DLC1: variants seen among roughly 807,000 people sequenced by gnomAD.
DLC1 encodes DLC1 Rho GTPase activating protein.
DLC1 carries 54 observed loss-of-function variants against 140.3 expected under a neutral mutation model. That is an observed-to-expected ratio of 0.38 (90% confidence interval 0.31 to 0.48). The LOEUF (loss-of-function observed/expected upper bound fraction) is 0.48. DLC1 is among the 20% of genes least tolerant of loss of function. DLC1 has a pLI of 0.96. For missense variants in DLC1, 2,536 were observed against 1,907.0 expected (o/e 1.33, Z -6.14); for synonymous variants, 986 against 728.1 (o/e 1.35, Z -5.70).
At chr8:13,557,612 A>AAAAC (rs1804093966) in intron 1 of DLC1, 1 of 152,074 alleles carries the variant, frequency 6.6e-6, no homozygotes, top group Non-Finnish European at 1.5e-5. Flanking sequence ...AAAGTGTGGT[A>AAAAC]CTTCCTTGTT....
Position 13,596,723 on chromosome 8 carries a change from C to A in DLC1, c.-126+7814G>T, listed in dbSNP as rs142843526. On this transcript the variant is annotated intron_variant, in intron 1 of 1. Coordinates refer to the DLC1 transcript ENST00000631382. Reference sequence around the variant, plus strand: ...AGGAACCTTCAGCCTCCATCTAAAACCCTGGCATATGGGCCTAAAAATGAT... The same window carrying A: ...AGGAACCTTCAGCCTCCATCTAAAAACCTGGCATATGGGCCTAAAAATGAT... Among the ~76,000 whole-genome samples the A allele has an allele frequency of 3.9e-5, 6 of 152,034 alleles. No homozygotes were observed. The East Asian group carries it at 1.2e-3, about 29-fold the overall frequency.
intron 5 of DLC1, among the ~76,000 whole-genome samples, chr8:13,233,593 A>G (rs912285875): frequency 8.5e-5 from 13 of 152,208 alleles, no homozygotes; most frequent in African/African-American, 2.9e-4. Flanking sequence ...TAGGATAAGA[A>G]TGTACTCCAG....
intron 5 of DLC1, among the ~76,000 whole-genome samples, chr8:13,262,893 G>C (rs1481187188): frequency 6.6e-6 from 1 of 152,166 alleles, no homozygotes; most frequent in East Asian, 1.9e-4. Flanking sequence ...ACCATCACTA[G>C]TTATGAATCT....
chr8:13,465,433 A>G (rs932322048), intron 2 of DLC1, among the ~76,000 whole-genome samples: 1 of 152,182 alleles, frequency 6.6e-6, no homozygotes, highest in African/African-American at 2.4e-5. Flanking sequence ...AATTGTGCCA[A>G]TCTAGAGAGA....
chr8:13,188,819 ATATATATG>A (rs1335344416), intron 5 of DLC1, among the ~76,000 whole-genome samples: 69 of 105,226 alleles, frequency 6.6e-4, no homozygotes, highest in African/African-American at 2.7e-3. Flanking sequence ...ATATATATAT[ATATATATG>A]TATATATATA....
chr8:13,152,372 A>C (rs1248178213), intron 5 of DLC1, among the ~76,000 whole-genome samples: 3 of 152,212 alleles, frequency 2.0e-5, no homozygotes, highest in African/African-American at 7.2e-5. Context: ...TTCTGAGTTT[A>C]TATAACCCAA....
intron 2 of DLC1, among the ~76,000 whole-genome samples, chr8:13,497,015 T>C (rs967534520): frequency 1.3e-5 from 2 of 151,992 alleles, no homozygotes; most frequent in Non-Finnish European, 2.9e-5. Context: ...TTAGCCGGGA[T>C]GGTCTCGATC....
intron 1 of DLC1, among the ~76,000 whole-genome samples, chr8:13,553,668 C>T (rs1381937559): frequency 6.6e-6 from 1 of 151,732 alleles, no homozygotes; most frequent in African/African-American, 2.4e-5. Flanking sequence ...ATTTTTCTGT[C>T]CCCCTTCATG....
chr8:13,112,987 G>C (rs755399143), intron 6 of DLC1, among the ~76,000 whole-genome samples: 1 of 152,194 alleles, frequency 6.6e-6, no homozygotes, highest in South Asian at 2.1e-4. Context: ...ATGTGAGAAA[G>C]TAACTATGTT....
At chr8:13,574,697 A>G (rs532923235) in intron 1 of DLC1, among the ~76,000 whole-genome samples, 107 of 152,330 alleles carry the variant, frequency 7.0e-4, no homozygotes, top group African/African-American at 2.2e-3. Context: ...CCTAAAAACA[A>G]ATCTGTTTAT....
intron 5 of DLC1, among the ~76,000 whole-genome samples, chr8:13,256,847 A>G (rs960909186): frequency 2.7e-5 from 4 of 150,478 alleles, no homozygotes; most frequent in African/African-American, 9.9e-5. Context: ...TATGTAACAA[A>G]CCTGTAAGTT....
intron 5 of DLC1, among the ~76,000 whole-genome samples, chr8:13,268,924 G>A (rs949745193): frequency 1.0e-4 from 14 of 140,368 alleles, no homozygotes; most frequent in Admixed American, 2.3e-4. Context: ...GCCCAGGCTA[G>A]AGTGCAGTGG....
chr8:13,368,554 A>G (rs901790059), intron 4 of DLC1, among the ~76,000 whole-genome samples: 2 of 151,960 alleles, frequency 1.3e-5, no homozygotes, highest in East Asian at 1.9e-4. Context: ...ATAGAAAAAA[A>G]AGTTCTTACA....
At chr8:13,115,685 T>A (rs372263314) in intron 5 of DLC1, 28 bp from the exon 6 acceptor site, 1 of 1,609,634 alleles carries the variant, frequency 6.2e-7, no homozygotes. Context: ...AAAGACAAAA[T>A]TAGCCATGTG....
chr8:13,494,543 G>A (rs934000705), intron 2 of DLC1, among the ~76,000 whole-genome samples: 4 of 152,148 alleles, frequency 2.6e-5, no homozygotes, highest in Non-Finnish European at 4.4e-5. Context: ...AAGGCATAGA[G>A]CCTATATATT....
intron 5 of DLC1, among the ~76,000 whole-genome samples, chr8:13,138,651 T>G (rs1232616034): frequency 2.4e-4 from 36 of 152,254 alleles, no homozygotes; most frequent in Non-Finnish European, 1.5e-5. Context: ...TAAATGGTAT[T>G]CAATTAAGGA....
At chr8:13,359,327 A>G (rs1835110571) in intron 4 of DLC1, among the ~76,000 whole-genome samples, 1 of 152,194 alleles carries the variant, frequency 6.6e-6, no homozygotes. Context: ...TTGTATCCTT[A>G]ACCCATCAAT....
chr8:13,410,998 G>T (rs1311300540), intron 2 of DLC1, among the ~76,000 whole-genome samples: 1 of 152,188 alleles, frequency 6.6e-6, no homozygotes, highest in African/African-American at 2.4e-5. Context: ...CCCACCTGCA[G>T]AGCTGATTCT....
At chr8:13,530,837 C>G (rs1803072409) in intron 1 of DLC1, among the ~76,000 whole-genome samples, 1 of 152,148 alleles carries the variant, frequency 6.6e-6, no homozygotes, top group Non-Finnish European at 1.5e-5. Flanking sequence ...TGAAATACAG[C>G]TTACGTGGTT....
Sources: allele counts gnomAD v4.1 joint callset (sites outside exome capture counted in the v4.1 genomes callset), GRCh38; gene constraint gnomAD v4.1.1; transcripts MANE v1.5; gene names NCBI Gene and HGNC (gene_info 2026-07-23, HGNC 2026-07-21).